Variants in GET4 observed in about 807,000 individuals in gnomAD.
GET4 encodes the protein guided entry of tail-anchored proteins factor 4, also known as Golgi to ER traffic protein 4 homolog.
A neutral mutation model predicts 40.0 loss-of-function variants in GET4; 20 were observed. The observed-to-expected ratio is 0.50, with a 90% CI of 0.35 to 0.73. The LOEUF is 0.73. Ranked by LOEUF, GET4 falls within the 30% of genes least tolerant of loss-of-function variation. The probability of loss-of-function intolerance (pLI) is 0.01; values close to 1 mark genes in which losing one functional copy is unlikely to be tolerated. For synonymous variants in GET4, 280 were observed against 194.6 expected (o/e 1.44, Z -3.65); for missense variants, 557 against 454.0 (o/e 1.23, Z -2.06).
chr7:886,205 C>T (rs1039379417), intron 2 of GET4, 71 bp downstream of exon 2: 15 of 979,568 alleles, frequency 1.5e-5, no homozygotes, highest in African/African-American at 4.8e-5. Flanking sequence ...AATGACCTCC[C>T]ACCTCCACTG....
chr7:879,375 C>T (rs561902742), intron 1 of GET4, among the ~76,000 whole-genome samples: 1 of 152,340 alleles, frequency 6.6e-6, no homozygotes, highest in African/African-American at 2.4e-5. Flanking sequence ...GCTTAAAACA[C>T]TTGTTTGTGC....
In GET4 at chr7:896,057, G is replaced by A. The variant is rs1391313896; in HGVS notation, c.*635G>A. 6.6e-6 allele frequency: 1 copy of A among 152,258 alleles called. No individual in the cohort carries two copies. The highest frequency in any genetic ancestry group is 1.5e-5 in the Non-Finnish European group (1 of 68,046). 9.4% of individuals were successfully genotyped at this position (152,258 alleles called of 1,614,324 possible). A position where few individuals can be genotyped will look rare whatever the true frequency, so the allele number is the denominator to read the frequency against. Reference sequence around the variant, plus strand: ...ATGTGGCATCCCAGAGCTGCGCCCTGCTGGTCTCTGTGAGCGCCACGCTGC... The same window carrying A: ...ATGTGGCATCCCAGAGCTGCGCCCTACTGGTCTCTGTGAGCGCCACGCTGC... On this transcript the variant is annotated 3_prime_UTR_variant, in exon 9 of 9. Coordinates refer to ENST00000265857, the MANE Select transcript of GET4 (RefSeq NM_015949.3).
chr7:892,406 T>C lies in GET4; in HGVS notation c.734T>C (p.Leu245Pro). Reference sequence around the variant, plus strand: ...CTTAACTTCATCTGGTTCCTGCTGCTGGCTGTGGACGGGTGCGTCTTGGGA... The same window carrying C: ...CTTAACTTCATCTGGTTCCTGCTGCCGGCTGTGGACGGGTGCGTCTTGGGA... ...PLLNFIWFLL[L>P]AVDGGKLTVF... The change falls in exon 6 of 9, where the codon CTG (leucine) becomes CCG (proline). Residue 245 changes from leucine (L) to proline (P), a missense_variant. By Grantham distance (98) the Leu-to-Pro change is moderately conservative (BLOSUM62 -3). Transcript: ENST00000265857. 6.3e-7 allele frequency: 1 copy of C among 1,589,630 alleles called. No homozygotes were observed. Among genetic ancestry groups the C allele is most frequent in the African/African-American group, 1.3e-5 (1 of 74,680 alleles).
rs561868692 is a variant in GET4 at position 894,694 on chromosome 7, G to T, written c.896-640G>T. On this transcript the variant is annotated intron_variant, in intron 8 of 8. Coordinates refer to ENST00000265857, the MANE Select transcript of GET4 (RefSeq NM_015949.3). ...CGTTCCACAGAAGCGCCGTCAGGGC[G>T]TGTCCTGAGATGGGGTGACGTCGTG... 2.6e-5 allele frequency among the ~76,000 whole-genome samples: 4 copies of T among 152,346 alleles called. No homozygotes were observed. The East Asian group carries it at 7.7e-4, about 29-fold the overall frequency.
At chr7:876,933 C>CG (rs1843966526) in intron 1 of GET4, 133 bp downstream of exon 1, 1 of 309,730 alleles carries the variant, frequency 3.2e-6, no homozygotes, top group Non-Finnish European at 4.8e-6. Flanking sequence ...CCAGGGGCCG[C>CG]GGGTCGCCCG....
intron 1 of GET4, chr7:880,032 G>A (rs763040147): frequency 6.6e-6 from 1 of 152,236 alleles, no homozygotes; most frequent in Non-Finnish European, 1.5e-5. Context: ...CCGTGCCTAG[G>A]AATTTGTATA....
At chr7:881,497 G>C (rs1585489663) in intron 1 of GET4, 1 of 152,184 alleles carries the variant, frequency 6.6e-6, no homozygotes, top group Admixed American at 6.5e-5. Flanking sequence ...ACTCCTCCTG[G>C]AGCGTCCGCA....
chr7:895,571 G>A lies in GET4; in HGVS notation c.*149G>A, dbSNP rs930072103. On this transcript the variant is annotated 3_prime_UTR_variant, in exon 9 of 9. Coordinates refer to ENST00000265857, the MANE Select transcript of GET4 (RefSeq NM_015949.3). ...GGCGCGTGTCTGTTTCTGTGCGGCGGCTCAGGGTGGCGCGGCTGCTGCTCA... is the reference window on the plus strand; with the variant it reads ...GGCGCGTGTCTGTTTCTGTGCGGCGACTCAGGGTGGCGCGGCTGCTGCTCA... 25 of 511,530 alleles carry A rather than the reference G, an allele frequency of 4.9e-5. No individual in the cohort carries two copies. Among genetic ancestry groups the A allele is most frequent in the Middle Eastern group, 5.1e-4 (1 of 1,958 alleles). The allele number at this position is 511,530 out of a possible 1,614,324, so 31.7% of individuals were successfully genotyped here.
intron 3 of GET4, chr7:886,987 G>A (rs776276712): frequency 1.4e-5 from 7 of 511,208 alleles, no homozygotes; most frequent in South Asian, 5.8e-5. Context: ...GTCGGGTGAC[G>A]TGCGGTTGGC....
chr7:895,096 G>A (rs1400919096), intron 8 of GET4, among the ~76,000 whole-genome samples: 1 of 151,726 alleles, frequency 6.6e-6, no homozygotes, highest in Non-Finnish European at 1.5e-5. Context: ...GACGTGGGAG[G>A]GCCGTTCTGT....
chr7:892,430 G>T lies in GET4; in HGVS notation c.746+12G>T, dbSNP rs1844347343. 1 of 1,583,846 alleles carries T rather than the reference G, an allele frequency of 6.3e-7. No homozygotes were observed. Among genetic ancestry groups the T allele is most frequent in the African/African-American group, 1.3e-5 (1 of 74,400 alleles). ...CTGGCTGTGGACGGGTGCGTCTTGG[G>T]ATCCTGCAGGGGGAGGGGGCTGTGA... On this transcript the variant is annotated intron_variant, in intron 6 of 8. Coordinates refer to ENST00000265857, the MANE Select transcript of GET4 (RefSeq NM_015949.3).
chr7:887,310 G>T, intron 3 of GET4, 60 bp from the exon 4 acceptor site: 1 of 1,512,408 alleles, frequency 6.6e-7, no homozygotes, highest in Non-Finnish European at 9.1e-7. Context: ...TGTGGGGAAT[G>T]TGGGACAGAG....
In GET4 at chr7:887,457, G is replaced by T; in HGVS notation, c.404G>T (p.Gly135Val). The T allele has an allele frequency of 1.3e-6, 2 of 1,593,432 alleles. No individual in the cohort carries two copies. Among genetic ancestry groups the T allele is most frequent in the Non-Finnish European group, 1.7e-6 (2 of 1,167,946 alleles). Reference protein sequence around the residue: ...FVSRALKWSSGGSGKLGHPRL... With the variant: ...FVSRALKWSSVGSGKLGHPRL... ...TCCAGAGCCCTGAAGTGGTCCAGTG[G>T]GGGCTCCGGGAAGCTGGGCCACCCC... Residue 135 changes from glycine to valine, a missense_variant, in exon 4 of 9, where the codon GGG becomes GTG. Coordinates refer to ENST00000265857, the MANE Select transcript of GET4 (RefSeq NM_015949.3).
At chr7:879,097 C>T (rs985193857) in intron 1 of GET4, among the ~76,000 whole-genome samples, 1 of 152,156 alleles carries the variant, frequency 6.6e-6, no homozygotes, top group African/African-American at 2.4e-5. Flanking sequence ...CCCTGAAGAC[C>T]CTCTGCTGGG....
At chr7:878,281 C>A (rs892964514) in intron 1 of GET4, 6 of 470,982 alleles carry the variant, frequency 1.3e-5, no homozygotes, top group African/African-American at 1.2e-4. Context: ...TGCTCTGTTC[C>A]AGTATTTTTG....
At chr7:886,512 T>C in intron 2 of GET4, 57 bp from the exon 3 acceptor site, 2 of 1,289,254 alleles carry the variant, frequency 1.6e-6, no homozygotes, top group East Asian at 2.3e-5. Flanking sequence ...TTGTCTTTGC[T>C]GTCCTGAACA....
At chr7:888,651 C>T (rs1452427948) in intron 4 of GET4, among the ~76,000 whole-genome samples, 2 of 152,264 alleles carry the variant, frequency 1.3e-5, no homozygotes, top group Non-Finnish European at 2.9e-5. Context: ...CGCCTCCTTC[C>T]TCAGAAGGGG....
At chr7:882,725 C>T (rs1844111671) in intron 1 of GET4, 1 of 152,572 alleles carries the variant, frequency 6.6e-6, no homozygotes, top group African/African-American at 2.4e-5. Context: ...CTGCTTTCTC[C>T]AGACTTCTCC....
intron 5 of GET4, 34 bp downstream of exon 5, chr7:891,100 C>T (rs374400171): frequency 1.9e-6 from 3 of 1,546,416 alleles, no homozygotes; most frequent in South Asian, 1.2e-5. Context: ...TCTCGGCTTC[C>T]ATTGCTGCCT....
Sources: allele counts gnomAD v4.1 joint callset (sites outside exome capture counted in the v4.1 genomes callset), GRCh38; gene constraint gnomAD v4.1.1; transcripts MANE v1.5; gene names NCBI Gene and HGNC (gene_info 2026-07-23, HGNC 2026-07-21).